Variants in TNRC6A observed in about 807,000 individuals in gnomAD.
TNRC6A encodes the protein trinucleotide repeat-containing gene 6A protein.
Under a neutral mutation model 221.2 loss-of-function variants are expected in TNRC6A, and 44 were observed. The ratio of observed to expected loss-of-function variants is 0.20; its 90% CI spans 0.16 to 0.26. TNRC6A has a LOEUF of 0.26. Among genes scored for constraint, TNRC6A ranks in the 10% least tolerant of loss-of-function variants. The pLI is 1.00. For synonymous variants in TNRC6A, 847 were observed against 838.5 expected (o/e 1.01, Z -0.18); for missense variants, 2,199 against 2,404.4 (o/e 0.91, Z 1.79).
chr16:24,683,528 G>A (rs2055572107), intron 2 of TNRC6A, among the ~76,000 whole-genome samples: 1 of 152,088 alleles, frequency 6.6e-6, no homozygotes, highest in South Asian at 2.1e-4. Flanking sequence ...CATGTGAGAT[G>A]GTAGCTCAGG....
chr16:24,698,347 C>T (rs1246941699), intron 2 of TNRC6A, among the ~76,000 whole-genome samples: 1 of 151,938 alleles, frequency 6.6e-6, no homozygotes, highest in African/African-American at 2.4e-5. Flanking sequence ...CCTGAACCCC[C>T]CAAGATTGGA....
At chr16:24,715,648 C>T (rs1448349818) in intron 2 of TNRC6A, among the ~76,000 whole-genome samples, 1 of 139,700 alleles carries the variant, frequency 7.2e-6, no homozygotes, top group Non-Finnish European at 1.5e-5. Flanking sequence ...GACGGAGTCT[C>T]ACTCTGTCTC....
At chr16:24,687,137 C>A (rs759436618) in intron 2 of TNRC6A, among the ~76,000 whole-genome samples, 8 of 152,148 alleles carry the variant, frequency 5.3e-5, no homozygotes, top group Non-Finnish European at 1.0e-4. Flanking sequence ...CCCTGTGAGT[C>A]CATAGGAGGG....
chr16:24,762,233 A>G (rs753672062), intron 4 of TNRC6A, among the ~76,000 whole-genome samples: 4 of 152,188 alleles, frequency 2.6e-5, no homozygotes, highest in Non-Finnish European at 4.4e-5. Flanking sequence ...TCCTGCCACA[A>G]TTGGCACAGT....
At chr16:24,729,927 C>T (rs1425421622) in intron 1 of TNRC6A, 81 bp downstream of exon 1, 30 of 1,164,596 alleles carry the variant, frequency 2.6e-5, no homozygotes, top group Non-Finnish European at 3.2e-5. Flanking sequence ...GCGGCGGCAG[C>T]AGAGGCGGCG....
intron 2 of TNRC6A, among the ~76,000 whole-genome samples, chr16:24,668,364 AAAAAG>A (rs1012172073): frequency 1.3e-5 from 2 of 151,802 alleles, no homozygotes; most frequent in Non-Finnish European, 2.9e-5. Context: ...AGAAAAAGAA[AAAAAG>A]AAAAGAAAAG....
intron 18 of TNRC6A, among the ~76,000 whole-genome samples, 163 bp from the exon 19 acceptor site, chr16:24,814,984 T>C (rs2058625925): frequency 6.6e-6 from 1 of 152,210 alleles, no homozygotes; most frequent in Non-Finnish European, 1.5e-5. Flanking sequence ...TCAGACATTC[T>C]TCAAATGCGA....
intron 1 of TNRC6A, chr16:24,640,866 A>G (rs1157419262): frequency 6.6e-6 from 1 of 152,202 alleles, no homozygotes; most frequent in Non-Finnish European, 1.5e-5. Flanking sequence ...AATCTAATGC[A>G]ACCTCTTCCT....
chr16:24,771,209 A>G (rs1169246702), intron 4 of TNRC6A, among the ~76,000 whole-genome samples: 1 of 152,194 alleles, frequency 6.6e-6, no homozygotes, highest in Admixed American at 6.5e-5. Context: ...TATTTGTTTA[A>G]ACTTTTATTA....
rs149786252 is a variant in TNRC6A at position 24,664,769 on chromosome 16, T to TCACACACA, written n.402+23797_402+23804dup. ...AGGGTGCCTTGCAGTAATCCCCAAA[T>TCACACACA]CACACACACACACACACACACACAC... On this transcript the variant is annotated intron_variant and non_coding_transcript_variant, in intron 2 of 2. Coordinates refer to the TNRC6A transcript ENST00000566108. The TCACACACA allele has an allele frequency of 1.5e-3, 456 of 301,610 alleles. 1 individual carries two copies. Among genetic ancestry groups the TCACACACA allele is most frequent in the African/African-American group, 4.6e-3 (186 of 40,366 alleles). The allele number at this position is 301,610 out of a possible 1,614,324, so 18.7% of individuals were successfully genotyped here. A position where few individuals can be genotyped will look rare whatever the true frequency, so the allele number is the denominator to read the frequency against.
upstream of TNRC6A, among the ~76,000 whole-genome samples, chr16:24,728,423 G>A (rs962511997): frequency 1.3e-5 from 2 of 151,814 alleles, no homozygotes; most frequent in African/African-American, 4.8e-5. Flanking sequence ...CTCCAGCCTG[G>A]GAGACAGAGC....
At chr16:24,658,416 C>T (rs2054961702) in intron 2 of TNRC6A, among the ~76,000 whole-genome samples, 1 of 152,202 alleles carries the variant, frequency 6.6e-6, no homozygotes, top group South Asian at 2.1e-4. Context: ...GACTGGGGTG[C>T]AGTGGCACGG....
At chr16:24,619,884 G>A (rs1216418803) in intron 1 of TNRC6A, among the ~76,000 whole-genome samples, 1 of 152,170 alleles carries the variant, frequency 6.6e-6, no homozygotes, top group African/African-American at 2.4e-5. Context: ...GCTCACACCT[G>A]TAATCTCAGC....
chr16:24,699,951 A>T (rs200761015), intron 2 of TNRC6A, among the ~76,000 whole-genome samples: 1 of 87,870 alleles, frequency 1.1e-5, no homozygotes, highest in Non-Finnish European at 2.5e-5. Context: ...TAGCAGAGAC[A>T]GGCTTTAAAT....
At chr16:24,795,278 G>A (rs1326503750) in intron 8 of TNRC6A, among the ~76,000 whole-genome samples, 1 of 152,184 alleles carries the variant, frequency 6.6e-6, no homozygotes, top group African/African-American at 2.4e-5. Flanking sequence ...TGTTAAAAAT[G>A]CAGCTTCCTG....
chr16:24,812,527 T>G (rs1308578105), intron 18 of TNRC6A, among the ~76,000 whole-genome samples: 1 of 152,202 alleles, frequency 6.6e-6, no homozygotes, highest in Admixed American at 6.5e-5. Context: ...TATCCAGTAG[T>G]GGGTCCATTG....
intron 4 of TNRC6A, among the ~76,000 whole-genome samples, chr16:24,766,190 C>T (rs752049167): frequency 3.3e-5 from 5 of 152,102 alleles, no homozygotes; most frequent in African/African-American, 4.8e-5. Flanking sequence ...GTTTGGGAGT[C>T]ACATTGGGTT....
intron 9 of TNRC6A, 196 bp downstream of exon 9, chr16:24,796,135 G>C (rs1287046383): frequency 2.0e-5 from 10 of 499,856 alleles, no homozygotes; most frequent in Non-Finnish European, 3.5e-5. Flanking sequence ...CTTCATAGAA[G>C]TGTCAGCTTG....
chr16:24,685,837 C>T, intron 2 of TNRC6A, among the ~76,000 whole-genome samples: 1 of 152,150 alleles, frequency 6.6e-6, no homozygotes, highest in Non-Finnish European at 1.5e-5. Flanking sequence ...TAAATGAGTT[C>T]TAGATCCAAA....
Sources: allele counts gnomAD v4.1 joint callset (sites outside exome capture counted in the v4.1 genomes callset), GRCh38; gene constraint gnomAD v4.1.1; transcripts MANE v1.5; gene names NCBI Gene and HGNC (gene_info 2026-07-23, HGNC 2026-07-21).